Variants in GPC6 observed in about 807,000 individuals in gnomAD.
GPC6 encodes glypican-6.
In GPC6, 14 loss-of-function variants were observed where a neutral mutation model predicts 55.2. That is an observed-to-expected ratio of 0.25 (90% CI 0.17 to 0.40). The LOEUF is 0.40. Ranked by LOEUF, GPC6 falls within the 10% of genes least tolerant of loss-of-function variation. The pLI is 1.00. For synonymous variants in GPC6, 278 were observed against 259.6 expected (o/e 1.07, Z -0.68); for missense variants, 641 against 708.5 (o/e 0.90, Z 1.08).
intron 3 of GPC6, among the ~76,000 whole-genome samples, chr13:93,891,627 T>C (rs1188582341): frequency 6.6e-6 from 1 of 152,134 alleles, no homozygotes; most frequent in Admixed American, 6.6e-5. Context: ...ACTTTGTTCA[T>C]TAACCATTTA....
At chr13:93,436,732 A>C (rs1566356474) in intron 1 of GPC6, among the ~76,000 whole-genome samples, 1 of 152,222 alleles carries the variant, frequency 6.6e-6, no homozygotes, top group Non-Finnish European at 1.5e-5. Flanking sequence ...TGATGGACAC[A>C]TTTACAGATT....
chr13:94,265,485 G>T (rs1389186831), intron 4 of GPC6, among the ~76,000 whole-genome samples: 2 of 152,150 alleles, frequency 1.3e-5, no homozygotes, highest in African/African-American at 4.8e-5. Context: ...TGCCCACCCA[G>T]ATTAAGGGTG....
intron 8 of GPC6, among the ~76,000 whole-genome samples, chr13:94,399,504 AG>A (rs1429820870): frequency 6.6e-6 from 1 of 152,230 alleles, no homozygotes; most frequent in Non-Finnish European, 1.5e-5. Flanking sequence ...GAGAATTCCC[AG>A]GACAAGGATT....
chr13:94,184,961 A>G (rs1889119617), intron 4 of GPC6, among the ~76,000 whole-genome samples: 2 of 152,228 alleles, frequency 1.3e-5, no homozygotes, highest in African/African-American at 4.8e-5. Context: ...TTATGCAACC[A>G]TAAAAAAGAA....
At chr13:93,455,277 G>A (rs970265990) in intron 1 of GPC6, among the ~76,000 whole-genome samples, 2 of 152,212 alleles carry the variant, frequency 1.3e-5, no homozygotes, top group African/African-American at 4.8e-5. Flanking sequence ...TGCCGCCAAA[G>A]TGGGAGCCCG....
intron 1 of GPC6, among the ~76,000 whole-genome samples, chr13:93,458,085 A>G (rs1878535942): frequency 1.3e-5 from 2 of 152,204 alleles, no homozygotes; most frequent in Non-Finnish European, 2.9e-5. Context: ...CCATGCACAG[A>G]TAACCATGGT....
At chr13:93,895,258 A>G (rs200501878) in intron 3 of GPC6, among the ~76,000 whole-genome samples, 44,835 of 132,168 alleles carry the variant, frequency 0.34, 9,338 homozygotes, top group African/African-American at 0.34. Context: ...ATATATATAT[A>G]TATATATATA....
At chr13:93,335,228 G>A (rs188747661) in intron 1 of GPC6, among the ~76,000 whole-genome samples, 45 of 152,236 alleles carry the variant, frequency 3.0e-4, no homozygotes, top group Non-Finnish European at 5.0e-4. Flanking sequence ...TACCTGTTAC[G>A]TTATAGAATA....
chr13:93,317,073 T>G (rs1879270070), intron 1 of GPC6, among the ~76,000 whole-genome samples: 1 of 152,094 alleles, frequency 6.6e-6, no homozygotes, highest in Admixed American at 6.6e-5. Context: ...AGTAATGTAA[T>G]GGGAGAGGCG....
chr13:93,978,416 A>C (rs1357322550), intron 3 of GPC6, among the ~76,000 whole-genome samples: 5 of 152,206 alleles, frequency 3.3e-5, no homozygotes, highest in African/African-American at 1.2e-4. Flanking sequence ...AGGACATATT[A>C]AGTGGATTTA....
intron 3 of GPC6, among the ~76,000 whole-genome samples, chr13:93,890,890 A>G (rs1875644785): frequency 6.6e-6 from 1 of 151,894 alleles, no homozygotes; most frequent in African/African-American, 2.4e-5. Flanking sequence ...ATATAACCAG[A>G]AAAAATAAAA....
chr13:93,938,906 A>G (rs1192025323), intron 3 of GPC6, among the ~76,000 whole-genome samples: 1 of 152,134 alleles, frequency 6.6e-6, no homozygotes, highest in Non-Finnish European at 1.5e-5. Context: ...GATGGAGACC[A>G]TCCGGGCCAA....
At chr13:94,222,021 G>GT (rs1240258500) in intron 4 of GPC6, among the ~76,000 whole-genome samples, 1 of 149,166 alleles carries the variant, frequency 6.7e-6, no homozygotes, top group African/African-American at 2.5e-5. Context: ...TTTTTTTTTT[G>GT]TTTTTTCTAT....
At chr13:93,847,307 C>A (rs960764975) in intron 3 of GPC6, among the ~76,000 whole-genome samples, 1 of 151,954 alleles carries the variant, frequency 6.6e-6, no homozygotes, top group South Asian at 2.1e-4. Context: ...CAGCAGTAAA[C>A]GAAATAAATA....
At chr13:93,607,390 G>T (rs929049228) in intron 2 of GPC6, among the ~76,000 whole-genome samples, 15 of 152,326 alleles carry the variant, frequency 9.8e-5, no homozygotes, top group African/African-American at 3.6e-4. Context: ...TGGGGGTGGT[G>T]CAGCAGCAGT....
chr13:93,875,719 T>G (rs1397078160), intron 3 of GPC6, among the ~76,000 whole-genome samples: 4 of 152,024 alleles, frequency 2.6e-5, no homozygotes, highest in Non-Finnish European at 5.9e-5. Context: ...AATAAATGAT[T>G]CATATGGCAT....
At chr13:94,282,672 A>G (rs1157777405) in intron 4 of GPC6, among the ~76,000 whole-genome samples, 1 of 152,192 alleles carries the variant, frequency 6.6e-6, no homozygotes, top group Non-Finnish European at 1.5e-5. Context: ...GGCTTTGCTT[A>G]TATGTCTGGC....
intron 4 of GPC6, among the ~76,000 whole-genome samples, chr13:94,263,305 T>C (rs1372606767): frequency 6.6e-6 from 1 of 152,216 alleles, no homozygotes; most frequent in Non-Finnish European, 1.5e-5. Context: ...CAGATGTAAA[T>C]ATTTAAAGTA....
intron 1 of GPC6, among the ~76,000 whole-genome samples, chr13:93,479,616 C>CCCCCG (rs1555303836): frequency 1.3e-4 from 12 of 92,466 alleles, no homozygotes; most frequent in African/African-American, 4.2e-4. Context: ...AGACCCCCCC[C>CCCCCG]CATCTCTACT....
Sources: gnomAD v4.1 joint callset for allele counts (sites outside exome capture counted in the v4.1 genomes callset) on GRCh38, gnomAD v4.1.1 for gene constraint, MANE v1.5 for transcripts, NCBI Gene and HGNC (gene_info 2026-07-23, HGNC 2026-07-21) for gene names.